Variants in PFDN1 observed in about 807,000 individuals in gnomAD.
PFDN1 encodes prefoldin subunit 1, also known as prefoldin 1.
PFDN1 carries 6 observed loss-of-function variants against 17.3 expected under a neutral mutation model. The ratio of observed to expected loss-of-function variants is 0.35; its 90% confidence interval spans 0.19 to 0.69. The LOEUF (loss-of-function observed/expected upper bound fraction) is 0.69. Ranked by LOEUF, PFDN1 falls within the 30% of genes least tolerant of loss-of-function variation. PFDN1 has a pLI of 0.65. For missense variants in PFDN1, 113 were observed against 146.2 expected (o/e 0.77, Z 1.17); for synonymous variants, 58 against 50.1 (o/e 1.16, Z -0.67).
intron 3 of PFDN1, among the ~76,000 whole-genome samples, chr5:140,275,078 G>GA (rs1765269074): frequency 6.6e-6 from 1 of 150,612 alleles, no homozygotes; most frequent in Admixed American, 6.6e-5. Context: ...GAAGTTCTAA[G>GA]GAAAAAAAAG....
At chr5:140,276,704 C>G (rs1272935154) in intron 3 of PFDN1, among the ~76,000 whole-genome samples, 1 of 141,168 alleles carries the variant, frequency 7.1e-6, no homozygotes. Context: ...TTGTTCCAAC[C>G]CAGGAGGCAG....
rs1036055590 is a variant in PFDN1 at position 140,271,773 on chromosome 5, G to A, written c.285+9676C>T. 4.6e-5 allele frequency among the ~76,000 whole-genome samples: 7 copies of A among 152,048 alleles called. No individual in the cohort carries two copies. In the East Asian group the frequency reaches 1.4e-3, roughly 29 times the overall value. ...CTTCTATATGACGGGATACTATGCA[G>A]CAATGAAATGAACAACTCACAATCT... On this transcript the variant is annotated intron_variant, in intron 3 of 3. Coordinates refer to ENST00000261813, the MANE Select transcript of PFDN1 (RefSeq NM_002622.5).
intron 2 of PFDN1, among the ~76,000 whole-genome samples, chr5:140,295,940 C>G (rs540182480): frequency 6.6e-6 from 1 of 151,746 alleles, no homozygotes; most frequent in Non-Finnish European, 1.5e-5. Flanking sequence ...CATAAAATAG[C>G]CTTTATTCTC....
At chr5:140,297,982 T>G (rs1461412603) in intron 2 of PFDN1, among the ~76,000 whole-genome samples, 1 of 152,208 alleles carries the variant, frequency 6.6e-6, no homozygotes, top group Admixed American at 6.5e-5. Flanking sequence ...CCTAAGGATA[T>G]TCACATTAAG....
intron 3 of PFDN1, among the ~76,000 whole-genome samples, chr5:140,250,631 C>T (rs894275839): frequency 6.6e-6 from 1 of 152,200 alleles, no homozygotes; most frequent in Non-Finnish European, 1.5e-5. Context: ...ATGGCTGGCA[C>T]ATAATAGGAA....
At chr5:140,250,926 T>G (rs1160042914) in intron 3 of PFDN1, among the ~76,000 whole-genome samples, 2 of 152,208 alleles carry the variant, frequency 1.3e-5, no homozygotes, top group Non-Finnish European at 2.9e-5. Context: ...TTAATTATTC[T>G]ACATTATATT....
intron 3 of PFDN1, among the ~76,000 whole-genome samples, chr5:140,256,658 CAAAAAAAAAAA>C (rs757723797): frequency 3.3e-4 from 13 of 39,906 alleles, no homozygotes; most frequent in African/African-American, 5.7e-4. Context: ...CAAAAAATGA[CAAAAAAAAAAA>C]AAAAAAAAAA....
chr5:140,283,338 T>C (rs1765438633), intron 2 of PFDN1, among the ~76,000 whole-genome samples: 1 of 152,176 alleles, frequency 6.6e-6, no homozygotes, highest in African/African-American at 2.4e-5. Flanking sequence ...GTTCATGCCA[T>C]TCTCCTGCCT....
At chr5:140,274,036 A>G in intron 3 of PFDN1, 1 of 234,008 alleles carries the variant, frequency 4.3e-6, no homozygotes, top group Non-Finnish European at 7.0e-6. Flanking sequence ...GTTGAGATTC[A>G]GAAGGTCAGG....
At chr5:140,281,296 G>A (rs1179607251) in intron 3 of PFDN1, 153 bp downstream of exon 3, 4 of 559,630 alleles carry the variant, frequency 7.1e-6, no homozygotes, top group Non-Finnish European at 1.3e-5. Context: ...CTATGAATAT[G>A]AATATGACAG....
intron 3 of PFDN1, among the ~76,000 whole-genome samples, chr5:140,261,132 A>G (rs1379933201): frequency 6.7e-6 from 1 of 149,524 alleles, no homozygotes; most frequent in Non-Finnish European, 1.5e-5. Flanking sequence ...ACTGCACTCC[A>G]GCCTGGATGA....
rs11750086 is a variant in PFDN1 at position 140,274,669 on chromosome 5, A to G, written c.285+6780T>C. On this transcript the variant is annotated intron_variant, in intron 3 of 3. Coordinates refer to ENST00000261813, the MANE Select transcript of PFDN1 (RefSeq NM_002622.5). Reference sequence around the variant, plus strand: ...ATGAAAATACTTCCCAATTAATCCCATTACAGTGATGATGGCCTGAAGAAC... The same window carrying G: ...ATGAAAATACTTCCCAATTAATCCCGTTACAGTGATGATGGCCTGAAGAAC... 1.4e-3 allele frequency among the ~76,000 whole-genome samples: 216 copies of G among 152,260 alleles called. 2 individuals carry two copies. The highest frequency in any genetic ancestry group is 2.5e-3 in the Non-Finnish European group (169 of 68,022).
At chr5:140,281,584 T>C in intron 2 of PFDN1, 51 bp from the exon 3 acceptor site, 1 of 859,548 alleles carries the variant, frequency 1.2e-6, no homozygotes, top group Non-Finnish European at 2.0e-6. Flanking sequence ...ATTGAATTCA[T>C]CGAAATCAAT....
At chr5:140,301,487 TA>T (rs1318338227) in intron 1 of PFDN1, among the ~76,000 whole-genome samples, 1 of 152,192 alleles carries the variant, frequency 6.6e-6, no homozygotes, top group Non-Finnish European at 1.5e-5. Context: ...CAGCAAAGGC[TA>T]CTACATAATT....
intron 3 of PFDN1, among the ~76,000 whole-genome samples, chr5:140,257,754 G>A (rs1765008230): frequency 6.6e-6 from 1 of 152,182 alleles, no homozygotes; most frequent in Non-Finnish European, 1.5e-5. Context: ...ACTCCAAAGA[G>A]CACCAACAGT....
chr5:140,270,955 C>G (rs1043357948), intron 3 of PFDN1, among the ~76,000 whole-genome samples: 2 of 152,002 alleles, frequency 1.3e-5, no homozygotes, highest in Admixed American at 1.3e-4. Flanking sequence ...ATTTGAACTG[C>G]TTACATCTAA....
intron 3 of PFDN1, among the ~76,000 whole-genome samples, chr5:140,263,812 G>A (rs750905873): frequency 3.5e-4 from 53 of 151,686 alleles, no homozygotes; most frequent in South Asian, 1.0e-3. Flanking sequence ...ACGAGGTCAG[G>A]AGATCGAGAC....
intron 3 of PFDN1, among the ~76,000 whole-genome samples, chr5:140,269,287 A>G (rs1765172852): frequency 6.6e-6 from 1 of 150,878 alleles, no homozygotes. Flanking sequence ...TGCTGGGATT[A>G]TAGGCATGAG....
chr5:140,300,072 C>A (rs1389145942), intron 2 of PFDN1, among the ~76,000 whole-genome samples: 1 of 152,052 alleles, frequency 6.6e-6, no homozygotes, highest in East Asian at 1.9e-4. Context: ...CAGAGTCTAG[C>A]TCTGCTGCCC....
Sources: allele counts gnomAD v4.1 joint callset (sites outside exome capture counted in the v4.1 genomes callset), GRCh38; gene constraint gnomAD v4.1.1; transcripts MANE v1.5; gene names NCBI Gene and HGNC (gene_info 2026-07-23, HGNC 2026-07-21).